The following ADK variants were observed in gnomAD, a reference collection of about 807,000 sequenced individuals.
ADK encodes adenosine kinase.
ADK carries 24 observed loss-of-function variants against 44.7 expected under a neutral mutation model. The ratio of observed to expected loss-of-function variants is 0.54; its 90% confidence interval spans 0.39 to 0.76. The LOEUF (loss-of-function observed/expected upper bound fraction) is 0.76, where lower values mean the gene tolerates loss of function less well. ADK is among the 30% of genes least tolerant of loss of function. The pLI is 0.00. For synonymous variants in ADK, 128 were observed against 142.6 expected, an observed-to-expected ratio of 0.90 and a Z score of 0.73; for missense variants, 321 against 425.1, an observed-to-expected ratio of 0.76 and a Z score of 2.15.
intron 6 of ADK, among the ~76,000 whole-genome samples, chr10:74,436,184 A>G (rs892952730): frequency 6.6e-6 from 1 of 152,214 alleles, no homozygotes; most frequent in African/African-American, 2.4e-5. Context: ...TGGAGTGAGT[A>G]AGAAAAGGAC....
At chr10:74,598,688 A>G (rs1852015540) in intron 8 of ADK, among the ~76,000 whole-genome samples, 1 of 152,018 alleles carries the variant, frequency 6.6e-6, no homozygotes, top group African/African-American at 2.4e-5. Flanking sequence ...CGACCTCGTG[A>G]TCTGCCCTCC....
Position 74,151,296 on chromosome 10 carries a change from GGAGCC to G in ADK, c.21_25del (p.Pro8AlafsTer26). On this transcript the variant is annotated frameshift_variant, in exon 1 of 11. Coordinates refer to ENST00000539909, the MANE Select transcript of ADK (RefSeq NM_006721.4). LOFTEE classifies it high-confidence loss of function. ...GCGCGAAGATGGCAGCTGCTGAGGAGGAGCCGAAGCCCAAAAAGCTGAAGGTGGAG... is the reference window on the plus strand; with the variant it reads ...GCGCGAAGATGGCAGCTGCTGAGGAGGAAGCCCAAAAAGCTGAAGGTGGAG... 1.9e-6 allele frequency: 3 copies of G among 1,549,682 alleles called. No homozygotes were observed. The highest frequency in any genetic ancestry group is 1.7e-6 in the Non-Finnish European group (2 of 1,146,848).
At chr10:74,518,598 T>C (rs1848688650) in intron 6 of ADK, among the ~76,000 whole-genome samples, 1 of 152,206 alleles carries the variant, frequency 6.6e-6, no homozygotes, top group African/African-American at 2.4e-5. Context: ...TAAATTGGGG[T>C]GAAAACTTAC....
chr10:74,702,941 A>T (rs1302509529), intron 10 of ADK, among the ~76,000 whole-genome samples: 1 of 152,072 alleles, frequency 6.6e-6, no homozygotes, highest in Non-Finnish European at 1.5e-5. Context: ...TGTTAGATGC[A>T]AGGGAAAAAA....
chr10:74,674,296 GCTCCCTCTCC>G (rs1855301388), intron 10 of ADK, among the ~76,000 whole-genome samples: 1 of 152,108 alleles, frequency 6.6e-6, no homozygotes, highest in African/African-American at 2.4e-5. Flanking sequence ...AAAACCCCCT[GCTCCCTCTCC>G]ACACCAGCAG....
At chr10:74,568,568 A>T (rs1201788178) in intron 7 of ADK, among the ~76,000 whole-genome samples, 1 of 152,070 alleles carries the variant, frequency 6.6e-6, no homozygotes, top group East Asian at 1.9e-4. Flanking sequence ...AAAGTAAGAG[A>T]ATAAAAGAAT....
intron 6 of ADK, among the ~76,000 whole-genome samples, chr10:74,471,321 G>A (rs1001492882): frequency 1.3e-5 from 2 of 152,028 alleles, no homozygotes; most frequent in Non-Finnish European, 2.9e-5. Flanking sequence ...TGATCCACCT[G>A]CCTCAGCCTC....
intron 3 of ADK, among the ~76,000 whole-genome samples, chr10:74,268,706 A>G (rs887507502): frequency 3.3e-5 from 5 of 152,190 alleles, no homozygotes; most frequent in Admixed American, 2.6e-4. Context: ...AGAATGATCA[A>G]TTTTCAGATT....
intron 6 of ADK, among the ~76,000 whole-genome samples, chr10:74,425,388 C>T (rs1844753850): frequency 6.6e-6 from 1 of 152,080 alleles, no homozygotes; most frequent in African/African-American, 2.4e-5. Context: ...GTATGTAGCT[C>T]TTTAGGATCC....
At chr10:74,643,279 G>A (rs1853937663) in intron 9 of ADK, among the ~76,000 whole-genome samples, 1 of 152,122 alleles carries the variant, frequency 6.6e-6, no homozygotes, top group Non-Finnish European at 1.5e-5. Context: ...TAAATTGTTA[G>A]AAACTTTTTC....
chr10:74,500,049 T>A (rs1405621240), intron 6 of ADK, among the ~76,000 whole-genome samples: 4 of 152,208 alleles, frequency 2.6e-5, no homozygotes, highest in African/African-American at 9.6e-5. Context: ...GATTAATAGA[T>A]CAAATATTTG....
chr10:74,708,395 A>G lies in ADK; in HGVS notation c.1039A>G (p.Ile347Val). ...IRAGHYAASI[I>V]IRRTGCTFPE... ...TGCTGGCCACTATGCAGCAAGCATC[A>G]TAATTAGACGGACTGGCTGCACCTT... The change falls in exon 11 of 11, where the codon ATA becomes GTA. Residue 347 changes from isoleucine to valine, a missense_variant. Physicochemically the swap from Ile to Val is conservative, Grantham distance 29. Coordinates refer to ENST00000539909, the MANE Select transcript of ADK (RefSeq NM_006721.4). 2 of 1,613,032 alleles carry G rather than the reference A, an allele frequency of 1.2e-6. No homozygotes were observed. The highest frequency in any genetic ancestry group is 8.5e-7 in the Non-Finnish European group (1 of 1,179,696).
In ADK at chr10:74,334,451, A is replaced by G. The variant is rs553411463; in HGVS notation, c.273+19706A>G. On this transcript the variant is annotated intron_variant, in intron 4 of 10. Transcript: ENST00000539909. Reference sequence around the variant, plus strand: ...CATAGCATCCATCTGAGCATCCCCAAAGGACTTGGGATGAAGGGAACTGAT... The same window carrying G: ...CATAGCATCCATCTGAGCATCCCCAGAGGACTTGGGATGAAGGGAACTGAT... Among the ~76,000 whole-genome samples, 33 of 152,308 alleles carry G rather than the reference A, an allele frequency of 2.2e-4. No individual in the cohort carries two copies. In the South Asian group the frequency reaches 6.4e-3, roughly 30 times the overall value.
intron 10 of ADK, among the ~76,000 whole-genome samples, chr10:74,704,940 T>C (rs1856548268): frequency 6.6e-6 from 1 of 152,254 alleles, no homozygotes; most frequent in South Asian, 2.1e-4. Flanking sequence ...GATAAAATAC[T>C]CTTACTAAAC....
At chr10:74,346,773 G>A (rs1406400955) in intron 4 of ADK, among the ~76,000 whole-genome samples, 2 of 152,060 alleles carry the variant, frequency 1.3e-5, no homozygotes, top group East Asian at 3.9e-4. Flanking sequence ...AAGCAGTGGA[G>A]TCAGGAGCCT....
chr10:74,646,962 G>A (rs1242456360), intron 9 of ADK, among the ~76,000 whole-genome samples: 1 of 152,092 alleles, frequency 6.6e-6, no homozygotes, highest in Admixed American at 6.5e-5. Flanking sequence ...TCTAAGGCTT[G>A]TTCATGAAAT....
At chr10:74,577,150 G>GTATA (rs1554883627) in intron 7 of ADK, among the ~76,000 whole-genome samples, 1 of 148,982 alleles carries the variant, frequency 6.7e-6, no homozygotes, top group African/African-American at 2.5e-5. Context: ...GTGTGTGTGT[G>GTATA]TGTAGTCTAA....
chr10:74,568,616 G>T (rs1300134058), intron 7 of ADK, among the ~76,000 whole-genome samples: 7 of 150,866 alleles, frequency 4.6e-5, no homozygotes, highest in African/African-American at 1.7e-4. Flanking sequence ...AGGACTGCTG[G>T]TTGCCCATTT....
At chr10:74,658,386 T>C (rs1854570872) in intron 9 of ADK, among the ~76,000 whole-genome samples, 1 of 152,102 alleles carries the variant, frequency 6.6e-6, no homozygotes, top group Admixed American at 6.6e-5. Context: ...AGACAGTCCA[T>C]AGATGGTCAG....
Sources: allele counts gnomAD v4.1 joint callset (sites outside exome capture counted in the v4.1 genomes callset), GRCh38; gene constraint gnomAD v4.1.1; transcripts MANE v1.5; gene names NCBI Gene and HGNC (gene_info 2026-07-23, HGNC 2026-07-21).